Variants in HGSNAT observed in about 807,000 individuals in gnomAD.
HGSNAT encodes transmembrane protein 76.
In HGSNAT, 59 loss-of-function variants were observed where a neutral mutation model predicts 85.2. That is an observed-to-expected ratio of 0.69 (90% confidence interval 0.56 to 0.86). The LOEUF is 0.86. HGSNAT is among the 40% of genes least tolerant of loss of function. The pLI is 0.00. For missense variants in HGSNAT, 756 were observed against 777.1 expected (o/e 0.97, Z 0.32); for synonymous variants, 321 against 304.5 (o/e 1.05, Z -0.56).
intron 9 of HGSNAT, among the ~76,000 whole-genome samples, chr8:43,176,333 C>T (rs568332739): frequency 6.6e-6 from 1 of 152,244 alleles, no homozygotes; most frequent in Non-Finnish European, 1.5e-5. Flanking sequence ...GTTCTTGGCA[C>T]TTTTGTCGAA....
At position 43,196,788 on chromosome 8, in the gene HGSNAT, CA is replaced by C. The variant is rs1351351448; in HGVS notation, c.1465-157del. ...TGCTCCTCTGTTAGTCTCCACTAGT[CA>C]AAGGCAGAGGTGATGTTTCCCGCCT... On this transcript the variant is annotated intron_variant, in intron 14 of 17. Transcript: ENST00000379644. 26 of 629,402 alleles carry C rather than the reference CA, an allele frequency of 4.1e-5. 1 individual carries two copies. The highest frequency in any genetic ancestry group is 5.1e-4 in the Middle Eastern group (2 of 3,952). The allele number at this position is 629,402 out of a possible 1,614,324, so 39.0% of individuals were successfully genotyped here.
In HGSNAT at chr8:43,173,719, C is replaced by A; in HGVS notation, c.827C>A (p.Thr276Lys). The A allele has an allele frequency of 6.2e-7, 1 of 1,613,152 alleles. No individual in the cohort carries two copies. Among genetic ancestry groups the A allele is most frequent in the South Asian group, 1.1e-5 (1 of 90,868 alleles). Residue 276 changes from threonine to lysine, a missense_variant, in exon 9 of 18, where the codon ACA (threonine) becomes AAA (lysine). Thr to Lys is a moderately conservative substitution (Grantham distance 78). Coordinates refer to ENST00000379644, the MANE Select transcript of HGSNAT (RefSeq NM_152419.3). ...YFKHASWNGLTVADLVFPWFV... is the reference protein window; with the variant it reads ...YFKHASWNGLKVADLVFPWFV... ...CTTTGTACTTGTTCTGCAGGGCTGACAGTGGCTGACCTCGTGTTCCCGTGG... is the reference window on the plus strand; with the variant it reads ...CTTTGTACTTGTTCTGCAGGGCTGAAAGTGGCTGACCTCGTGTTCCCGTGG...
At chr8:43,148,647 G>T (rs1346096773) in intron 2 of HGSNAT, among the ~76,000 whole-genome samples, 1 of 151,374 alleles carries the variant, frequency 6.6e-6, no homozygotes, top group Admixed American at 6.6e-5. Context: ...AAAATTACCC[G>T]GGCATGGTAG....
At chr8:43,167,923 CT>C (rs71231896) in intron 5 of HGSNAT, 24,582 of 233,476 alleles carry the variant, frequency 0.11, 201 homozygotes, top group South Asian at 0.19. Context: ...TTCTTTCTTT[CT>C]TTTTTTTTTT....
intron 5 of HGSNAT, among the ~76,000 whole-genome samples, chr8:43,168,318 A>C (rs1402608780): frequency 6.7e-6 from 1 of 148,378 alleles, no homozygotes; most frequent in Admixed American, 6.7e-5. Context: ...CAGTGTGCAC[A>C]TATGCATTTT....
At chr8:43,155,402 T>A (rs1375564538) in intron 2 of HGSNAT, among the ~76,000 whole-genome samples, 1 of 152,234 alleles carries the variant, frequency 6.6e-6, no homozygotes, top group Non-Finnish European at 1.5e-5. Flanking sequence ...TACATAATAG[T>A]TGTATATGTC....
At chr8:43,179,502 C>A (rs867663445) in intron 10 of HGSNAT, among the ~76,000 whole-genome samples, 1 of 120,274 alleles carries the variant, frequency 8.3e-6, no homozygotes, top group African/African-American at 3.3e-5. Flanking sequence ...GCTGACCCCC[C>A]CCACCTCCCT....
At chr8:43,193,071 T>C (rs1041511134) in intron 13 of HGSNAT, among the ~76,000 whole-genome samples, 1 of 152,204 alleles carries the variant, frequency 6.6e-6, no homozygotes, top group African/African-American at 2.4e-5. Flanking sequence ...GGGCCCTTCC[T>C]ACCCCTGGAT....
intron 8 of HGSNAT, among the ~76,000 whole-genome samples, chr8:43,173,047 TGATAATAGCTGACCACAGCCTC>T: frequency 6.6e-6 from 1 of 152,310 alleles, no homozygotes; most frequent in African/African-American, 2.4e-5. Context: ...TGCAGTGGTG[TGATAATAGCTGACCACAGCCTC>T]GACCTCCTGG....
chr8:43,190,939 C>T (rs2130803995), intron 11 of HGSNAT, among the ~76,000 whole-genome samples: 1 of 152,282 alleles, frequency 6.6e-6, no homozygotes, highest in Middle Eastern at 3.4e-3. Context: ...CCCAGGCAAC[C>T]CCAGCCTACT....
intron 9 of HGSNAT, among the ~76,000 whole-genome samples, chr8:43,177,418 C>T (rs1378718569): frequency 5.3e-5 from 8 of 151,900 alleles, no homozygotes; most frequent in East Asian, 3.9e-4. Context: ...ATTAGCCGGG[C>T]ACGGTGGCGG....
At chr8:43,192,243 C>T in intron 12 of HGSNAT, 61 bp from the exon 13 acceptor site, 1 of 1,540,828 alleles carries the variant, frequency 6.5e-7, no homozygotes, top group Non-Finnish European at 8.8e-7. Flanking sequence ...TTTTTTTATT[C>T]TTGTCCCTCT....
intron 14 of HGSNAT, chr8:43,196,436 C>T: frequency 7.8e-7 from 1 of 1,289,270 alleles, no homozygotes; most frequent in Non-Finnish European, 1.0e-6. Context: ...CTAGTGCTGC[C>T]CAGACTGGGT....
intron 1 of HGSNAT, among the ~76,000 whole-genome samples, chr8:43,143,124 T>C (rs1314220544): frequency 6.6e-6 from 1 of 152,214 alleles, no homozygotes; most frequent in East Asian, 1.9e-4. Context: ...TTTAATATTT[T>C]TGTCTTTAAT....
At chr8:43,196,134 CG>C in intron 14 of HGSNAT, 1 of 291,698 alleles carries the variant, frequency 3.4e-6, no homozygotes, top group Non-Finnish European at 6.7e-6. Flanking sequence ...TGGGTGACCT[CG>C]GGCGTGTGGC....
chr8:43,171,418 T>A (rs1362454177), intron 7 of HGSNAT, among the ~76,000 whole-genome samples: 4 of 152,184 alleles, frequency 2.6e-5, no homozygotes, highest in Non-Finnish European at 5.9e-5. Context: ...CTGTTCTAAC[T>A]CGTCTTAATT....
rs1181353957 is a variant in HGSNAT, at chr8:43,159,089, G to T, written c.493+45G>T. On this transcript the variant is annotated intron_variant, in intron 4 of 17. Transcript: ENST00000379644. The stretch of plus-strand genomic sequence containing the variant: ...TGATTTTCACATTTGCATTTTCAGA[G>T]GTTTCAGTTTTTGAGTACTGTTTGT... The T allele has an allele frequency of 2.5e-6, 4 of 1,588,218 alleles. No homozygotes were observed. The African/African-American group carries it at 4.1e-5, about 16-fold the overall frequency.
Position 43,191,455 on chromosome 8 carries a change from T to C in HGSNAT, c.1129-19T>C. On this transcript the variant is annotated intron_variant, in intron 11 of 17. Transcript: ENST00000379644. ...TTGCATTTAGTTCACCCGTGTTTTATTTTTCTGCCCCCACTCAGGAGAGGA... is the reference window on the plus strand; with the variant it reads ...TTGCATTTAGTTCACCCGTGTTTTACTTTTCTGCCCCCACTCAGGAGAGGA... 3.1e-6 allele frequency: 5 copies of C among 1,608,540 alleles called. No homozygotes were observed. Among genetic ancestry groups the C allele is most frequent in the Non-Finnish European group, 4.3e-6 (5 of 1,175,396 alleles).
intron 9 of HGSNAT, among the ~76,000 whole-genome samples, chr8:43,175,472 TC>T (rs1803775629): frequency 6.6e-6 from 1 of 152,018 alleles, no homozygotes; most frequent in African/African-American, 2.4e-5. Context: ...TCTCTGATGA[TC>T]AATGATGTTG....
Sources: gnomAD v4.1 joint callset for allele counts (sites outside exome capture counted in the v4.1 genomes callset) on GRCh38, gnomAD v4.1.1 for gene constraint, MANE v1.5 for transcripts, NCBI Gene and HGNC (gene_info 2026-07-23, HGNC 2026-07-21) for gene names.